The following SEPTIN7 variants were observed in gnomAD, a reference collection of about 807,000 sequenced individuals.
SEPTIN7 encodes the protein septin 7, also known as septin-7.
In SEPTIN7, 10 loss-of-function variants were observed where a neutral mutation model predicts 63.3. The ratio of observed to expected loss-of-function variants is 0.16; its 90% confidence interval spans 0.10 to 0.27. The LOEUF (loss-of-function observed/expected upper bound fraction) is 0.27, where lower values mean the gene tolerates loss of function less well. Among genes scored for constraint, SEPTIN7 ranks in the 10% least tolerant of loss-of-function variants. SEPTIN7 has a pLI of 1.00. For missense variants in SEPTIN7, 310 were observed against 521.0 expected (o/e 0.59, Z 3.94); for synonymous variants, 131 against 165.3 (o/e 0.79, Z 1.59).
intron 11 of SEPTIN7, among the ~76,000 whole-genome samples, chr7:35,894,104 C>T (rs1787815278): frequency 6.8e-6 from 1 of 146,896 alleles, no homozygotes; most frequent in African/African-American, 2.5e-5. Flanking sequence ...GAAGTGTGAT[C>T]CCCAATAAGA....
chr7:35,868,071 T>C (rs189054468), intron 4 of SEPTIN7, among the ~76,000 whole-genome samples: 69 of 152,216 alleles, frequency 4.5e-4, no homozygotes, highest in African/African-American at 1.5e-3. Flanking sequence ...GGTTTCACCA[T>C]GTTGGCCAGG....
rs145479779 is a variant in SEPTIN7 at position 35,887,862 on chromosome 7, A to G, written c.872+1983A>G. ...TCTTTAAGACAAAGCCATCTAGTGG[A>G]TATTTAATAAATACTTGAAGGAAGG... On this transcript the variant is annotated intron_variant, in intron 10 of 13. Coordinates refer to ENST00000350320, the MANE Select transcript of SEPTIN7 (RefSeq NM_001788.6). Among the ~76,000 whole-genome samples the G allele has an allele frequency of 5.9e-5, 9 of 152,378 alleles. No individual in the cohort carries two copies. The East Asian group carries it at 1.7e-3, about 29-fold the overall frequency.
chr7:35,880,223 C>CTTTTTTTTTTTTTTTTTTTTTT, intron 7 of SEPTIN7, among the ~76,000 whole-genome samples: 28 of 72,778 alleles, frequency 3.8e-4, no homozygotes, highest in African/African-American at 8.4e-4. Flanking sequence ...TTTTTCTTTT[C>CTTTTTTTTTTTTTTTTTTTTTT]TTTTTTTTTT....
At chr7:35,880,223 C>CTTTTTATTTTTTTTTTTTTT (rs1786769465) in intron 7 of SEPTIN7, among the ~76,000 whole-genome samples, 1 of 72,776 alleles carries the variant, frequency 1.4e-5, no homozygotes, top group Non-Finnish European at 2.6e-5. Flanking sequence ...TTTTTCTTTT[C>CTTTTTATTTTTTTTTTTTTT]TTTTTTTTTT....
intron 3 of SEPTIN7, among the ~76,000 whole-genome samples, chr7:35,857,450 G>C (rs1785267105): frequency 6.6e-6 from 1 of 152,042 alleles, no homozygotes; most frequent in Non-Finnish European, 1.5e-5. Context: ...CATTTGATAA[G>C]TTTTTAAACT....
At chr7:35,857,688 TAAAG>T (rs1487052303) in intron 3 of SEPTIN7, among the ~76,000 whole-genome samples, 3 of 152,104 alleles carry the variant, frequency 2.0e-5, no homozygotes, top group Admixed American at 6.5e-5. Flanking sequence ...ATTTAAAAGA[TAAAG>T]AAAAAATCCA....
intron 3 of SEPTIN7, among the ~76,000 whole-genome samples, chr7:35,862,173 A>C (rs543147315): frequency 6.6e-6 from 1 of 152,124 alleles, no homozygotes; most frequent in African/African-American, 2.4e-5. Context: ...GTATTGTACT[A>C]TCCACAGAGT....
intron 1 of SEPTIN7, chr7:35,803,191 A>G: frequency 9.8e-6 from 9 of 915,924 alleles, no homozygotes; most frequent in South Asian, 5.0e-5. Context: ...TTTGATGCAT[A>G]CATAATACAT....
At chr7:35,912,586 G>T in the SEPTIN7 span, among the ~76,000 whole-genome samples, 1 of 152,064 alleles carries the variant, frequency 6.6e-6, no homozygotes, top group African/African-American at 2.4e-5. Flanking sequence ...AATTCCTCTA[G>T]CACCACTGGG....
intron 11 of SEPTIN7, among the ~76,000 whole-genome samples, chr7:35,893,619 A>G (rs991870466): frequency 6.6e-6 from 1 of 152,200 alleles, no homozygotes; most frequent in African/African-American, 2.4e-5. Flanking sequence ...GTTGTTAAGC[A>G]GTGCATGACT....
Position 35,884,086 on chromosome 7 carries a change from T to C in SEPTIN7, c.820+99T>C, listed in dbSNP as rs1787073088. 4.7e-6 allele frequency: 3 copies of C among 631,952 alleles called. No individual in the cohort carries two copies. In the South Asian group the frequency reaches 6.7e-5, roughly 14 times the overall value. 39.1% of individuals were successfully genotyped at this position (631,952 alleles called of 1,614,324 possible). ...GTACAGTATGCACACTGTATTGATATAGTCTAGATTTTCAAGGATAATACT... is the reference window on the plus strand; with the variant it reads ...GTACAGTATGCACACTGTATTGATACAGTCTAGATTTTCAAGGATAATACT... On this transcript the variant is annotated intron_variant, in intron 9 of 13. Transcript: ENST00000350320.
chr7:35,813,027 A>G (rs2115723812), intron 1 of SEPTIN7, among the ~76,000 whole-genome samples: 1 of 152,308 alleles, frequency 6.6e-6, no homozygotes, highest in Non-Finnish European at 1.5e-5. Context: ...GGAGGCCTTA[A>G]TAATAACTAT....
chr7:35,842,356 A>G (rs571250875), intron 3 of SEPTIN7, among the ~76,000 whole-genome samples: 1 of 151,924 alleles, frequency 6.6e-6, no homozygotes, highest in East Asian at 1.9e-4. Context: ...TTGAAAAAAA[A>G]AAAACCCTCA....
intron 1 of SEPTIN7, among the ~76,000 whole-genome samples, chr7:35,803,409 A>C (rs1167297368): frequency 1.3e-5 from 2 of 152,226 alleles, no homozygotes; most frequent in African/African-American, 4.8e-5. Context: ...GGGGGAGAAG[A>C]GGGAGGAAGA....
At position 35,883,941 on chromosome 7, in the gene SEPTIN7, T is replaced by C. The variant is rs1330373056; in HGVS notation, c.774T>C (p.Asn258=). 1.9e-6 allele frequency: 3 copies of C among 1,611,118 alleles called. No individual in the cohort carries two copies. The highest frequency in any genetic ancestry group is 1.7e-5 in the Admixed American group (1 of 59,934). Residue 258 remains asparagine, a synonymous_variant, in exon 9 of 14, where the codon AAT becomes AAC. Coordinates refer to ENST00000350320, the MANE Select transcript of SEPTIN7 (RefSeq NM_001788.6). Reference sequence around the variant, plus strand: ...GTAGTAATACTATCATTGAAGTTAATGGCAAAAGGGTCAGAGGAAGGCAGT... The same window carrying C: ...GTAGTAATACTATCATTGAAGTTAACGGCAAAAGGGTCAGAGGAAGGCAGT... ...VVGSNTIIEV[N]GKRVRGRQYP... is the part of the protein sequence containing the mutation.
chr7:35,875,972 A>C (rs1347353142), intron 6 of SEPTIN7, among the ~76,000 whole-genome samples: 1 of 152,196 alleles, frequency 6.6e-6, no homozygotes, highest in African/African-American at 2.4e-5. Flanking sequence ...TATAAAACTA[A>C]ATGGACAGAG....
intron 1 of SEPTIN7, among the ~76,000 whole-genome samples, chr7:35,803,916 G>T (rs1238135200): frequency 3.3e-5 from 5 of 152,202 alleles, no homozygotes; most frequent in Non-Finnish European, 5.9e-5. Context: ...ACTGCAGGTT[G>T]TGACCCATTA....
intron 10 of SEPTIN7, chr7:35,888,898 AT>A: frequency 3.3e-6 from 1 of 298,794 alleles, no homozygotes; most frequent in Non-Finnish European, 6.7e-6. Flanking sequence ...GGTATTTGTT[AT>A]TTTTCTCCAC....
intron 3 of SEPTIN7, 75 bp downstream of exon 3, chr7:35,832,975 G>A (rs1009249323): frequency 3.6e-6 from 3 of 822,188 alleles, no homozygotes; most frequent in Non-Finnish European, 6.4e-6. Context: ...ATAGATTTAA[G>A]AAAACACTGG....
Sources: gnomAD v4.1 joint callset for allele counts (sites outside exome capture counted in the v4.1 genomes callset) on GRCh38, gnomAD v4.1.1 for gene constraint, MANE v1.5 for transcripts, NCBI Gene and HGNC (gene_info 2026-07-23, HGNC 2026-07-21) for gene names.